PRKCE: variants seen among roughly 807,000 people sequenced by gnomAD.
PRKCE encodes protein kinase C epsilon type.
PRKCE carries 16 observed loss-of-function variants against 85.4 expected under a neutral mutation model. That is an observed-to-expected ratio of 0.19 (90% CI 0.13 to 0.28). The LOEUF (loss-of-function observed/expected upper bound fraction) is 0.28, where lower values mean the gene tolerates loss of function less well. PRKCE is among the 10% of genes least tolerant of loss of function. PRKCE has a pLI of 1.00. For synonymous variants in PRKCE, 388 were observed against 371.5 expected (o/e 1.04, Z -0.51); for missense variants, 573 against 975.2 (o/e 0.59, Z 5.49).
At chr2:46,157,152 G>T (rs1677293973) in intron 13 of PRKCE, among the ~76,000 whole-genome samples, 1 of 152,032 alleles carries the variant, frequency 6.6e-6, no homozygotes, top group Non-Finnish European at 1.5e-5. Flanking sequence ...ATTAACTTGG[G>T]GTGGACATGG....
chr2:45,926,284 A>AG (rs1194241265), intron 2 of PRKCE, among the ~76,000 whole-genome samples: 1 of 152,180 alleles, frequency 6.6e-6, no homozygotes, highest in African/African-American at 2.4e-5. Context: ...ATATGGGCAG[A>AG]GGGGGGAATC....
At chr2:45,822,769 CT>C in intron 1 of PRKCE, among the ~76,000 whole-genome samples, 1 of 152,332 alleles carries the variant, frequency 6.6e-6, no homozygotes, top group South Asian at 2.1e-4. Flanking sequence ...TTTCTCTTTT[CT>C]GCCTTAGTTA....
chr2:45,763,462 G>A (rs2104846604), intron 1 of PRKCE, among the ~76,000 whole-genome samples: 1 of 152,288 alleles, frequency 6.6e-6, no homozygotes, highest in Non-Finnish European at 1.5e-5. Context: ...TCTGGACCTA[G>A]ACCTAATGTT....
At chr2:45,984,325 G>A (rs974388667) in intron 5 of PRKCE, among the ~76,000 whole-genome samples, 6 of 152,188 alleles carry the variant, frequency 3.9e-5, no homozygotes, top group African/African-American at 1.2e-4. Context: ...GCCTGGCCTT[G>A]CACAGTCAAA....
At position 45,802,267 on chromosome 2, in the gene PRKCE, A is replaced by G. The variant is rs369270054; in HGVS notation, c.349-40733A>G. Among the ~76,000 whole-genome samples, 22 of 152,264 alleles carry G rather than the reference A, an allele frequency of 1.4e-4. No individual in the cohort carries two copies. In the East Asian group the frequency reaches 1.5e-3, roughly 11 times the overall value. On this transcript the variant is annotated intron_variant, in intron 1 of 14. Coordinates refer to ENST00000306156, the MANE Select transcript of PRKCE (RefSeq NM_005400.3). ...GTGAGACCCTATCATTCCTTCATACATGAGTAAATAAATAAGCAAATAAAT... is the reference window on the plus strand; with the variant it reads ...GTGAGACCCTATCATTCCTTCATACGTGAGTAAATAAATAAGCAAATAAAT...
chr2:45,743,953 C>G (rs1682799389), intron 1 of PRKCE, among the ~76,000 whole-genome samples: 1 of 151,004 alleles, frequency 6.6e-6, no homozygotes, highest in East Asian at 1.9e-4. Flanking sequence ...AAGGAGCCTG[C>G]CTCCCGGGAG....
chr2:45,828,587 T>C (rs1351823926), intron 1 of PRKCE, among the ~76,000 whole-genome samples: 1 of 152,224 alleles, frequency 6.6e-6, no homozygotes, highest in Non-Finnish European at 1.5e-5. Context: ...ATAATTTGTC[T>C]CATTTTTAAT....
In PRKCE at chr2:46,145,046, T is replaced by C. The variant is rs371026056; in HGVS notation, c.1593-47T>C. On this transcript the variant is annotated intron_variant, in intron 11 of 14. Coordinates refer to ENST00000306156, the MANE Select transcript of PRKCE (RefSeq NM_005400.3). The surrounding 1 kb of genome is among the most constrained non-coding windows in gnomAD (Gnocchi z 4.6). Reference sequence around the variant, plus strand: ...ATACCTCCAACTCAGGAAGACTATATTGGGGTGAGTGACGTATTGACATTA... The same window carrying C: ...ATACCTCCAACTCAGGAAGACTATACTGGGGTGAGTGACGTATTGACATTA... The C allele has an allele frequency of 3.3e-5, 53 of 1,597,862 alleles. 1 individual carries two copies. Among genetic ancestry groups the C allele is most frequent in the Admixed American group, 1.3e-4 (8 of 59,944 alleles).
At chr2:45,856,206 C>G (rs1187946528) in intron 2 of PRKCE, among the ~76,000 whole-genome samples, 1 of 152,066 alleles carries the variant, frequency 6.6e-6, no homozygotes, top group African/African-American at 2.4e-5. Flanking sequence ...ATATCCCCCT[C>G]TCTAAACATT....
chr2:45,992,795 C>T (rs1005838847), intron 6 of PRKCE, among the ~76,000 whole-genome samples: 1 of 152,146 alleles, frequency 6.6e-6, no homozygotes, highest in African/African-American at 2.4e-5. Flanking sequence ...AACATGGAAA[C>T]CAAGTCTCTC....
Position 46,007,655 on chromosome 2 carries a change from T to C in PRKCE, c.1257T>C (p.Phe419=). The change falls in exon 9 of 15, where the codon TTT becomes TTC. Residue 419 remains phenylalanine (F), a synonymous_variant. Coordinates refer to ENST00000306156, the MANE Select transcript of PRKCE (RefSeq NM_005400.3). ...TCAAGGTGTTGGGCAAAGGCAGCTT[T>C]GGCAAGGTCTGTGGCACACACGGGT... The part of the protein sequence containing the change: ...NFIKVLGKGS[F]GKVMLAELKG... 6.3e-7 allele frequency: 1 copy of C among 1,599,676 alleles called. No individual in the cohort carries two copies. Among genetic ancestry groups the C allele is most frequent in the Non-Finnish European group, 8.5e-7 (1 of 1,179,908 alleles).
intron 10 of PRKCE, among the ~76,000 whole-genome samples, chr2:46,072,559 G>A (rs533950063): frequency 9.2e-5 from 14 of 152,268 alleles, no homozygotes; most frequent in Admixed American, 3.3e-4. Context: ...AAACACGGTC[G>A]GGACCTTCAG....
At chr2:46,124,099 CG>C (rs200567635) in intron 11 of PRKCE, among the ~76,000 whole-genome samples, 4,425 of 152,104 alleles carry the variant, frequency 0.029, 105 homozygotes, top group Non-Finnish European at 0.046. Flanking sequence ...CCAAGGTGGG[CG>C]GATCACTGGA....
chr2:46,142,757 C>A (rs1220485071), intron 11 of PRKCE, among the ~76,000 whole-genome samples: 1 of 152,252 alleles, frequency 6.6e-6, no homozygotes, highest in Non-Finnish European at 1.5e-5. Flanking sequence ...AGGACTTCCT[C>A]CTTCTTTGCC....
In PRKCE at chr2:46,155,034, A is replaced by G. The variant is rs1279469592; in HGVS notation, c.1920+3805A>G. Among the ~76,000 whole-genome samples, 1 of 152,132 alleles carries G rather than the reference A, an allele frequency of 6.6e-6. No individual in the cohort carries two copies. The highest frequency in any genetic ancestry group is 1.5e-5 in the Non-Finnish European group (1 of 68,034). On this transcript the variant is annotated intron_variant, in intron 13 of 14. Coordinates refer to ENST00000306156, the MANE Select transcript of PRKCE (RefSeq NM_005400.3). The surrounding 1 kb of genome is among the most constrained non-coding windows in gnomAD (Gnocchi z 4.7). ...CTCTCTGTTCTTTCCATTTTATCAC[A>G]TATTTCAAAGTTAAATGCCTGCAAG...
chr2:46,071,022 T>G (rs1668043428), intron 10 of PRKCE, among the ~76,000 whole-genome samples: 1 of 152,226 alleles, frequency 6.6e-6, no homozygotes, highest in African/African-American at 2.4e-5. Context: ...GGAGATGGTT[T>G]GCTCCAAACA....
chr2:46,120,375 A>G (rs1336656553), intron 11 of PRKCE, among the ~76,000 whole-genome samples: 2 of 152,160 alleles, frequency 1.3e-5, no homozygotes, highest in African/African-American at 4.8e-5. Context: ...GAGGCCAAGG[A>G]TACTGGTAAA....
At chr2:45,701,933 C>G (rs1381388480) in intron 1 of PRKCE, among the ~76,000 whole-genome samples, 2 of 152,174 alleles carry the variant, frequency 1.3e-5, no homozygotes, top group African/African-American at 4.8e-5. Flanking sequence ...TGGCTCACAC[C>G]TGTAATCTGA....
At chr2:45,687,970 G>A (rs1441481497) in intron 1 of PRKCE, among the ~76,000 whole-genome samples, 1 of 152,196 alleles carries the variant, frequency 6.6e-6, no homozygotes, top group Non-Finnish European at 1.5e-5. Context: ...CAGAGTTGGA[G>A]CGTTAGCACC....
Sources: allele counts gnomAD v4.1 joint callset (sites outside exome capture counted in the v4.1 genomes callset), GRCh38; gene constraint gnomAD v4.1.1; non-coding constraint Gnocchi (gnomAD v3.1); transcripts MANE v1.5; gene names NCBI Gene and HGNC (gene_info 2026-07-23, HGNC 2026-07-21).